Variants in KIAA1549L observed in about 807,000 individuals in gnomAD.
KIAA1549L encodes KIAA1549 like, also known as UPF0606 protein KIAA1549L.
A neutral mutation model predicts 160.7 loss-of-function variants in KIAA1549L; 88 were observed. That is an observed-to-expected ratio of 0.55 (90% CI 0.46 to 0.65). The LOEUF (loss-of-function observed/expected upper bound fraction) is 0.65. Ranked by LOEUF, KIAA1549L falls within the 30% of genes least tolerant of loss-of-function variation. KIAA1549L has a pLI of 0.00. For synonymous variants in KIAA1549L, 950 were observed against 976.7 expected (o/e 0.97, Z 0.51); for missense variants, 2,258 against 2,437.5 (o/e 0.93, Z 1.55).
chr11:33,570,003 TCTC>T (rs763122885), intron 9 of KIAA1549L, among the ~76,000 whole-genome samples: 4,257 of 55,712 alleles, frequency 0.076, 92 homozygotes, highest in Admixed American at 0.13. Context: ...TCTCTCTCTC[TCTC>T]TTTTTTTTTT....
intron 16 of KIAA1549L, among the ~76,000 whole-genome samples, chr11:33,642,431 G>A (rs1851611061): frequency 1.3e-5 from 2 of 152,220 alleles, no homozygotes; most frequent in South Asian, 4.1e-4. Context: ...CCTTATAGAT[G>A]GAGCAATGGT....
chr11:33,409,175 C>G (rs974498768), intron 1 of KIAA1549L, among the ~76,000 whole-genome samples: 2 of 151,910 alleles, frequency 1.3e-5, no homozygotes, highest in Non-Finnish European at 2.9e-5. Flanking sequence ...GAAAAAGTCT[C>G]AAAACTGGGC....
chr11:33,561,618 TGAAAC>T (rs1854860943), intron 7 of KIAA1549L, 53 bp from the exon 8 acceptor site: 13 of 1,316,054 alleles, frequency 9.9e-6, no homozygotes, highest in Admixed American at 3.5e-5. Context: ...ACTAAATAAA[TGAAAC>T]GAAACAAATC....
At chr11:33,643,098 A>G (rs999890252) in intron 16 of KIAA1549L, among the ~76,000 whole-genome samples, 5 of 152,120 alleles carry the variant, frequency 3.3e-5, no homozygotes, top group Non-Finnish European at 5.9e-5. Context: ...AAGCCTGTGG[A>G]GAGTATACTT....
chr11:33,620,101 C>T (rs1217879323), intron 16 of KIAA1549L, among the ~76,000 whole-genome samples: 2 of 152,164 alleles, frequency 1.3e-5, no homozygotes, highest in African/African-American at 4.8e-5. Flanking sequence ...TCCCTAATAA[C>T]CTTAAAAAGA....
At chr11:33,627,304 A>G (rs1312026784) in intron 16 of KIAA1549L, among the ~76,000 whole-genome samples, 5 of 148,694 alleles carry the variant, frequency 3.4e-5, no homozygotes, top group Middle Eastern at 3.2e-3. Flanking sequence ...CTCTTTTTCT[A>G]TTGATTGGAA....
At chr11:33,560,992 T>C (rs943901065) in intron 7 of KIAA1549L, among the ~76,000 whole-genome samples, 3 of 152,254 alleles carry the variant, frequency 2.0e-5, no homozygotes, top group African/African-American at 7.2e-5. Context: ...CTTTTATTTC[T>C]GAAAACAACT....
chr11:33,658,870 G>A lies in KIAA1549L; in HGVS notation c.5979G>A (p.Gln1993=), dbSNP rs920225794. 7 of 1,560,178 alleles carry A rather than the reference G, an allele frequency of 4.5e-6. No individual in the cohort carries two copies. Among genetic ancestry groups the A allele is most frequent in the Non-Finnish European group, 6.1e-6 (7 of 1,152,174 alleles). The change falls in exon 19 of 21, where the codon CAG becomes CAA. Residue 1993 remains glutamine (Q), a synonymous_variant. Coordinates refer to ENST00000658780, the MANE Select transcript of KIAA1549L (RefSeq NM_012194.3). ...CCAGAGGCCCTGTGTCCGTGACGCA[G>A]TTGGATCAGTCGGCTTTAAATTACT... ...QMSRGPVSVT[Q]LDQSALNYSG... is the part of the protein sequence containing the mutation.
chr11:33,614,260 C>T (rs972154240), intron 15 of KIAA1549L, among the ~76,000 whole-genome samples: 2 of 151,922 alleles, frequency 1.3e-5, no homozygotes, highest in Non-Finnish European at 2.9e-5. Context: ...CTGTCCTCCC[C>T]AGGCTAGTAA....
intron 11 of KIAA1549L, among the ~76,000 whole-genome samples, chr11:33,585,244 C>A (rs189741653): frequency 6.6e-6 from 1 of 152,148 alleles, no homozygotes; most frequent in Non-Finnish European, 1.5e-5. Context: ...TTTGGCCGGG[C>A]GCGGTGGCTC....
chr11:33,441,250 T>A (rs1036864310), intron 1 of KIAA1549L, among the ~76,000 whole-genome samples: 17 of 152,232 alleles, frequency 1.1e-4, no homozygotes, highest in African/African-American at 3.9e-4. Context: ...GGACATGAAC[T>A]CATCATTTTT....
intron 6 of KIAA1549L, among the ~76,000 whole-genome samples, chr11:33,556,461 G>A (rs991648937): frequency 6.6e-6 from 1 of 152,092 alleles, no homozygotes; most frequent in Non-Finnish European, 1.5e-5. Flanking sequence ...ACATACAATG[G>A]AATATTATTC....
chr11:33,636,636 C>T (rs372676417), intron 16 of KIAA1549L, among the ~76,000 whole-genome samples: 50 of 152,232 alleles, frequency 3.3e-4, no homozygotes, highest in African/African-American at 1.2e-3. Context: ...CAGCCAAGAA[C>T]GAATCTTCTA....
chr11:33,443,066 C>T (rs1269121510), intron 1 of KIAA1549L, among the ~76,000 whole-genome samples: 2 of 151,858 alleles, frequency 1.3e-5, no homozygotes, highest in African/African-American at 4.8e-5. Context: ...TTGTGTAATC[C>T]TGTTTTATTT....
At chr11:33,449,629 T>G (rs1851680971) in intron 1 of KIAA1549L, among the ~76,000 whole-genome samples, 1 of 152,174 alleles carries the variant, frequency 6.6e-6, no homozygotes, top group South Asian at 2.1e-4. Flanking sequence ...AGTCTGACAA[T>G]GTGCCTTTCA....
At chr11:33,658,613 A>G (rs1852149792) in intron 18 of KIAA1549L, 137 bp from the exon 19 acceptor site, 5 of 797,322 alleles carry the variant, frequency 6.3e-6, no homozygotes, top group Non-Finnish European at 9.8e-6. Flanking sequence ...GTTATCTGGG[A>G]ATAAATCCAG....
At chr11:33,440,124 T>C (rs1465981721) in intron 1 of KIAA1549L, among the ~76,000 whole-genome samples, 1 of 46,082 alleles carries the variant, frequency 2.2e-5, no homozygotes, top group Non-Finnish European at 4.2e-5. Context: ...TTGTTTCTTT[T>C]TTTTTTTTTT....
intron 1 of KIAA1549L, among the ~76,000 whole-genome samples, chr11:33,427,140 C>T (rs1851133319): frequency 6.6e-6 from 1 of 152,144 alleles, no homozygotes; most frequent in Non-Finnish European, 1.5e-5. Context: ...TTTGGTGCTG[C>T]CCAGCAATGC....
intron 1 of KIAA1549L, among the ~76,000 whole-genome samples, chr11:33,528,133 C>T (rs1408460844): frequency 6.6e-6 from 1 of 152,168 alleles, no homozygotes; most frequent in Non-Finnish European, 1.5e-5. Flanking sequence ...GTCAATTAAA[C>T]CTTTTTTCCT....
Sources: gnomAD v4.1 joint callset for allele counts (sites outside exome capture counted in the v4.1 genomes callset) on GRCh38, gnomAD v4.1.1 for gene constraint, MANE v1.5 for transcripts, NCBI Gene and HGNC (gene_info 2026-07-23, HGNC 2026-07-21) for gene names.